BBS1: variants seen among roughly 807,000 people sequenced by gnomAD.
The protein encoded by BBS1 is Bardet-Biedl syndrome 1, also known as BBSome complex member BBS1.
In BBS1, 60 loss-of-function variants were observed where a neutral mutation model predicts 73.9. The observed-to-expected ratio is 0.81, with a 90% CI of 0.66 to 1.01. The LOEUF is 1.01. Among genes scored for constraint, BBS1 ranks in the 50% least tolerant of loss-of-function variants. The probability of loss-of-function intolerance (pLI) is 0.00; values close to 1 mark genes in which losing one functional copy is unlikely to be tolerated. For missense variants in BBS1, 718 were observed against 770.3 expected (o/e 0.93, Z 0.80); for synonymous variants, 283 against 317.4 (o/e 0.89, Z 1.15).
At position 66,532,196 on chromosome 11, in the gene BBS1, A is replaced by G; in HGVS notation, c.*159A>G. The G allele has an allele frequency of 1.3e-6, 1 of 763,304 alleles. No homozygotes were observed. The highest frequency in any genetic ancestry group is 2.1e-6 in the Non-Finnish European group (1 of 476,440). 47.3% of individuals were successfully genotyped at this position (763,304 alleles called of 1,614,324 possible). A position where few individuals can be genotyped will look rare whatever the true frequency, so the allele number is the denominator to read the frequency against. On this transcript the variant is annotated 3_prime_UTR_variant, in exon 17 of 17. Coordinates refer to ENST00000318312, the MANE Select transcript of BBS1 (RefSeq NM_024649.5). ...CCTCACCACCCCCACTGTTGGGCCT[A>G]TAGTAGCAGGTTAGTGAGTACCTAG... is the stretch of plus-strand genomic sequence containing the variant.
chr11:66,511,165 G>A, intron 2 of BBS1, 40 bp from the exon 3 acceptor site: 1 of 1,614,034 alleles, frequency 6.2e-7, no homozygotes, highest in Non-Finnish European at 8.5e-7. Context: ...TGAAGCCTCT[G>A]GGATTCTGAG....
chr11:66,521,837 G>A (rs541566742), intron 9 of BBS1, among the ~76,000 whole-genome samples: 190 of 150,504 alleles, frequency 1.3e-3, no homozygotes, highest in African/African-American at 4.4e-3. Flanking sequence ...CCCAGGAGGC[G>A]GAGGTTGCAG....
At chr11:66,531,916 G>A in intron 16 of BBS1, 35 bp from the exon 17 acceptor site, 2 of 1,569,608 alleles carry the variant, frequency 1.3e-6, no homozygotes, top group Non-Finnish European at 1.7e-6. Context: ...GGTCAGGGGT[G>A]TATGCCCCCT....
At position 66,519,844 on chromosome 11, in the gene BBS1, G is replaced by A. The variant is rs983532351; in HGVS notation, c.723+96G>A. ...GTTCTGGGTAATATATATGTTCCTT[G>A]TAGAAAAATTAGAAACTAGATAAGC... On this transcript the variant is annotated intron_variant, in intron 8 of 16. Coordinates refer to ENST00000318312, the MANE Select transcript of BBS1 (RefSeq NM_024649.5). The A allele has an allele frequency of 1.3e-5, 19 of 1,508,054 alleles. No homozygotes were observed. The African/African-American group carries it at 1.9e-4, about 15-fold the overall frequency. The allele number at this position is 1,508,054 out of a possible 1,614,324, so 93.4% of individuals were successfully genotyped here. A position where few individuals can be genotyped will look rare whatever the true frequency, so the allele number is the denominator to read the frequency against.
chr11:66,514,023 G>A (rs1021705646), intron 3 of BBS1, among the ~76,000 whole-genome samples: 1 of 152,212 alleles, frequency 6.6e-6, no homozygotes, highest in African/African-American at 2.4e-5. Flanking sequence ...CCAGATATGG[G>A]TGTCCCCGTC....
chr11:66,516,262 A>G (rs1856048090), intron 7 of BBS1, among the ~76,000 whole-genome samples: 1 of 150,786 alleles, frequency 6.6e-6, no homozygotes, highest in Non-Finnish European at 1.5e-5. Flanking sequence ...AGTAGCTGGG[A>G]TTATAGGCAT....
At chr11:66,513,846 T>G (rs902557284) in intron 3 of BBS1, among the ~76,000 whole-genome samples, 3 of 152,124 alleles carry the variant, frequency 2.0e-5, no homozygotes, top group Admixed American at 6.6e-5. Context: ...GGGAACTAGA[T>G]CAGAGAGGCC....
At chr11:66,513,535 C>T (rs1056353836) in intron 3 of BBS1, among the ~76,000 whole-genome samples, 2 of 152,002 alleles carry the variant, frequency 1.3e-5, no homozygotes, top group Admixed American at 6.6e-5. Context: ...TGTTGAAAGC[C>T]AGGTGTAGTG....
At chr11:66,531,846 G>A in intron 16 of BBS1, 104 bp downstream of exon 16, 1 of 1,604,622 alleles carries the variant, frequency 6.2e-7, no homozygotes, top group Non-Finnish European at 8.5e-7. Flanking sequence ...GTGGGGGTGG[G>A]GGTATCTGCA....
At chr11:66,525,982 G>C (rs1856471128) in intron 11 of BBS1, 141 bp from the exon 12 acceptor site, 1 of 729,982 alleles carries the variant, frequency 1.4e-6, no homozygotes, top group African/African-American at 1.7e-5. Flanking sequence ...AGAAATATAG[G>C]AAATATTTCA....
chr11:66,517,741 C>T (rs1232427394), intron 7 of BBS1, among the ~76,000 whole-genome samples: 1 of 151,994 alleles, frequency 6.6e-6, no homozygotes, highest in East Asian at 1.9e-4. Context: ...GCTGGGATTA[C>T]AGGTGTGAGC....
chr11:66,515,478 G>A (rs556896971), intron 4 of BBS1, 62 bp from the exon 5 acceptor site: 2 of 1,567,438 alleles, frequency 1.3e-6, no homozygotes, highest in African/African-American at 1.4e-5. Context: ...CTGTCTGGGG[G>A]TGTAGACATT....
Position 66,515,931 on chromosome 11 carries a change from C to A in BBS1, c.589C>A (p.Gln197Lys), listed in dbSNP as rs777143614. ...NQHKSNSIKR[Q>K]TVITTMTTLK... ...ACACAAGTCCAACTCCATCAAGCGGCAGGTAATACCCCCTTCTCTTTTTAT... is the reference window on the plus strand; with the variant it reads ...ACACAAGTCCAACTCCATCAAGCGGAAGGTAATACCCCCTTCTCTTTTTAT... The change falls in exon 7 of 17, where the codon CAG (glutamine) becomes AAG (lysine). Residue 197 changes from glutamine (Q) to lysine (K), a missense_variant and splice_region_variant. Physicochemically the swap from Gln to Lys is moderately conservative, Grantham distance 53 (BLOSUM62 1). Transcript: ENST00000318312. 2 of 1,614,102 alleles carry A rather than the reference C, an allele frequency of 1.2e-6. No individual in the cohort carries two copies. Among genetic ancestry groups the A allele is most frequent in the Non-Finnish European group, 8.5e-7 (1 of 1,179,978 alleles).
chr11:66,515,722 A>G lies in BBS1; in HGVS notation c.509A>G (p.Gln170Arg), dbSNP rs774163850. 4.5e-5 allele frequency: 73 copies of G among 1,614,008 alleles called. No homozygotes were observed. Among genetic ancestry groups the G allele is most frequent in the Admixed American group, 6.7e-5 (4 of 59,998 alleles). ...RETAEEPLSIQSLRFLQLELS... is the reference protein window; with the variant it reads ...RETAEEPLSIRSLRFLQLELS... ...ACGGCAGAGGAGCCTTTGTCCATCC[A>G]GTCACTCAGGTAAGGACCCTGTGGA... The change falls in exon 6 of 17, where the codon CAG (glutamine) becomes CGG (arginine). Residue 170 changes from glutamine (Q) to arginine (R), a missense_variant. Coordinates refer to ENST00000318312, the MANE Select transcript of BBS1 (RefSeq NM_024649.5).
intron 11 of BBS1, 92 bp downstream of exon 11, chr11:66,523,974 A>T: frequency 1.3e-6 from 2 of 1,559,026 alleles, no homozygotes; most frequent in Non-Finnish European, 1.7e-6. Flanking sequence ...CCACACATTG[A>T]TGCATTTCAA....
At chr11:66,521,408 G>C (rs748135681) in intron 9 of BBS1, 32 bp downstream of exon 9, 1 of 1,565,814 alleles carries the variant, frequency 6.4e-7, no homozygotes, top group Non-Finnish European at 8.8e-7. Context: ...GGGGCCGGGA[G>C]GAACATCTCA....
intron 8 of BBS1, chr11:66,520,189 AG>A (rs533778104): frequency 1.1e-5 from 2 of 186,268 alleles, no homozygotes; most frequent in South Asian, 2.1e-4. Context: ...AATAAATAAA[AG>A]CAGGAGGATC....
intron 9 of BBS1, 28 bp downstream of exon 9, chr11:66,521,404 G>C (rs1013081160): frequency 6.4e-7 from 1 of 1,571,398 alleles, no homozygotes; most frequent in Non-Finnish European, 8.8e-7. Context: ...CTCCGGGGCC[G>C]GGAGGAACAT....
At chr11:66,513,748 A>G (rs1353866382) in intron 3 of BBS1, among the ~76,000 whole-genome samples, 1 of 152,230 alleles carries the variant, frequency 6.6e-6, no homozygotes, top group Admixed American at 6.5e-5. Context: ...GGTCCCTGGC[A>G]TATACTGCAT....
Sources: gnomAD v4.1 joint callset for allele counts (sites outside exome capture counted in the v4.1 genomes callset) on GRCh38, gnomAD v4.1.1 for gene constraint, MANE v1.5 for transcripts, NCBI Gene and HGNC (gene_info 2026-07-23, HGNC 2026-07-21) for gene names.